MTRR: variants seen among roughly 807,000 people sequenced by gnomAD.
MTRR encodes methionine synthase reductase.
Under a neutral mutation model 79.2 loss-of-function variants are expected in MTRR, and 63 were observed. The observed-to-expected ratio is 0.80, with a 90% confidence interval of 0.65 to 0.98. The LOEUF is 0.98. Among genes scored for constraint, MTRR ranks in the 50% least tolerant of loss-of-function variants. The probability of loss-of-function intolerance (pLI) is 0.00; values close to 1 mark genes in which losing one functional copy is unlikely to be tolerated. For synonymous variants in MTRR, 355 were observed against 313.3 expected (o/e 1.13, Z -1.41); for missense variants, 895 against 839.6 (o/e 1.07, Z -0.82).
In MTRR at chr5:7,883,204, C is replaced by A; in HGVS notation, c.830C>A (p.Pro277Gln). The A allele has an allele frequency of 6.2e-7, 1 of 1,614,118 alleles. No homozygotes were observed. Among genetic ancestry groups the A allele is most frequent in the Non-Finnish European group, 8.5e-7 (1 of 1,179,972 alleles). Residue 277 changes from proline to glutamine, a missense_variant, in exon 6 of 15, where the codon CCA (proline) becomes CAA (glutamine). Coordinates refer to ENST00000440940, the MANE Select transcript of MTRR (RefSeq NM_002454.3). ...VTSADPVFQV[P>Q]ISKAVQLTTN... ...TCAGCAGATCCAGTTTTTCAAGTGC[C>A]AATTTCAAAGGCAGTTCAACTTACT...
Position 7,895,779 on chromosome 5 carries a change from G to C in MTRR, c.1603G>C (p.Asp535His). ...AACAAATTCTTTCCACTTACCAGATGACCCCTCAATCCCCATCATAATGGT... is the reference window on the plus strand; with the variant it reads ...AACAAATTCTTTCCACTTACCAGATCACCCCTCAATCCCCATCATAATGGT... The part of the protein sequence containing the change: ...RTTNSFHLPD[D>H]PSIPIIMVGP... The change falls in exon 12 of 15, where the codon GAC becomes CAC. Residue 535 changes from aspartate (D) to histidine (H), a missense_variant. Transcript: ENST00000440940. The C allele has an allele frequency of 6.2e-7, 1 of 1,613,950 alleles. No homozygotes were observed.
At chr5:7,887,061 A>G (rs1047682361) in intron 8 of MTRR, among the ~76,000 whole-genome samples, 1 of 152,196 alleles carries the variant, frequency 6.6e-6, no homozygotes, top group Non-Finnish European at 1.5e-5. Context: ...CCAGCTACAC[A>G]TTGCTGCTCC....
In MTRR at chr5:7,890,465, T is replaced by A. The variant is rs150093281; in HGVS notation, c.1328-907T>A. ...GTTCTCTTATCGCATACTAATTTAT[T>A]TCAATTCTTTTCGTAGATTTTTTGT... On this transcript the variant is annotated intron_variant, in intron 9 of 14. Coordinates refer to ENST00000440940, the MANE Select transcript of MTRR (RefSeq NM_002454.3). The A allele has an allele frequency of 1.7e-4, 162 of 949,006 alleles. 2 individuals are homozygous for A. The highest frequency in any genetic ancestry group is 9.9e-4 in the African/African-American group (56 of 56,482). 58.8% of individuals were successfully genotyped at this position (949,006 alleles called of 1,614,324 possible). A position where few individuals can be genotyped will look rare whatever the true frequency, so the allele number is the denominator to read the frequency against.
intron 8 of MTRR, 100 bp from the exon 9 acceptor site, chr5:7,888,995 T>C (rs1197563502): frequency 1.5e-5 from 20 of 1,377,624 alleles, no homozygotes; most frequent in Non-Finnish European, 1.8e-5. Context: ...TCATTTTTTC[T>C]TGGGTAATTG....
At chr5:7,883,631 G>A (rs1289359806) in intron 6 of MTRR, among the ~76,000 whole-genome samples, 4 of 152,156 alleles carry the variant, frequency 2.6e-5, no homozygotes, top group Admixed American at 2.6e-4. Flanking sequence ...TCAGAAGAAT[G>A]AGAGGTCTCT....
At chr5:7,860,795 A>C (rs7716373) in intron 1 of MTRR, among the ~76,000 whole-genome samples, 22,466 of 152,258 alleles carry the variant, frequency 0.15, 1,995 homozygotes, top group Non-Finnish European at 0.21. Context: ...TATTTCTTGT[A>C]GAAGCTTCTA....
Position 7,892,818 on chromosome 5 carries a change from G to C in MTRR, c.1462G>C (p.Val488Leu). ...CACAACAGAGGTTCTGCGGAAGGGA[G>C]TATGTACAGGCTGGCTGGCCTTGTT... ...TATTEVLRKGVCTGWLALLVA... is the reference protein window; with the variant it reads ...TATTEVLRKGLCTGWLALLVA... Residue 488 changes from valine (V) to leucine (L), a missense_variant, in exon 11 of 15, where the codon GTA (valine) becomes CTA (leucine). Coordinates refer to ENST00000440940, the MANE Select transcript of MTRR (RefSeq NM_002454.3). 6.2e-7 allele frequency: 1 copy of C among 1,614,230 alleles called. No individual in the cohort carries two copies. Among genetic ancestry groups the C allele is most frequent in the Non-Finnish European group, 8.5e-7 (1 of 1,180,052 alleles).
intron 11 of MTRR, among the ~76,000 whole-genome samples, chr5:7,893,860 T>C (rs748944555): frequency 7.9e-5 from 12 of 152,340 alleles, no homozygotes; most frequent in South Asian, 4.1e-4. Context: ...GTCTGCTGCC[T>C]GGAACAGAGA....
intron 6 of MTRR, among the ~76,000 whole-genome samples, chr5:7,884,788 A>G (rs539147977): frequency 6.6e-6 from 1 of 152,330 alleles, no homozygotes; most frequent in South Asian, 2.1e-4. Flanking sequence ...TTATTTTATG[A>G]AAGTCTTGAG....
rs1255720991 is a variant in MTRR, at chr5:7,900,277, C to T, written c.*219C>T. On this transcript the variant is annotated 3_prime_UTR_variant, in exon 15 of 15. Coordinates refer to ENST00000440940, the MANE Select transcript of MTRR (RefSeq NM_002454.3). ...GCCCTTCCTGTGCCTGTGACTCTCCCCAAATTGCCCTGTTGCCTTGAGCTC... is the reference window on the plus strand; with the variant it reads ...GCCCTTCCTGTGCCTGTGACTCTCCTCAAATTGCCCTGTTGCCTTGAGCTC... 3 of 552,216 alleles carry T rather than the reference C, an allele frequency of 5.4e-6. No individual in the cohort carries two copies. Among genetic ancestry groups the T allele is most frequent in the African/African-American group, 3.8e-5 (2 of 52,608 alleles). 34.2% of individuals were successfully genotyped at this position (552,216 alleles called of 1,614,324 possible). A position where few individuals can be genotyped will look rare whatever the true frequency, so the allele number is the denominator to read the frequency against.
intron 2 of MTRR, chr5:7,872,094 A>G (rs548701939): frequency 3.9e-5 from 10 of 258,804 alleles, no homozygotes; most frequent in African/African-American, 9.1e-5. Context: ...TATCCTTCCT[A>G]TTTCACATAG....
chr5:7,889,022 G>C, intron 8 of MTRR, 73 bp from the exon 9 acceptor site: 1 of 1,574,856 alleles, frequency 6.3e-7, no homozygotes. Flanking sequence ...TCCCTAGGCA[G>C]ACATTTAACT....
chr5:7,898,803 C>G (rs918146290), intron 14 of MTRR, among the ~76,000 whole-genome samples: 1 of 152,160 alleles, frequency 6.6e-6, no homozygotes, highest in Non-Finnish European at 1.5e-5. Context: ...TCTGACACTT[C>G]GCTTCATTCA....
intron 5 of MTRR, 52 bp from the exon 6 acceptor site, chr5:7,883,103 G>A (rs765319938): frequency 1.1e-5 from 18 of 1,613,268 alleles, no homozygotes; most frequent in Non-Finnish European, 1.4e-5. Context: ...CTAATTGAAA[G>A]AAGGGTATAA....
intron 1 of MTRR, among the ~76,000 whole-genome samples, chr5:7,853,622 A>G (rs1746140434): frequency 6.6e-6 from 1 of 152,188 alleles, no homozygotes; most frequent in South Asian, 2.1e-4. Flanking sequence ...GTCACTGCTG[A>G]AGGCAACTGG....
At chr5:7,897,601 G>A (rs1738753959) in intron 14 of MTRR, among the ~76,000 whole-genome samples, 1 of 152,162 alleles carries the variant, frequency 6.6e-6, no homozygotes, top group South Asian at 2.1e-4. Context: ...TTGTGCTGTT[G>A]TGAACTATTG....
At chr5:7,862,421 T>C (rs1322741157) in intron 2 of MTRR, among the ~76,000 whole-genome samples, 1 of 152,172 alleles carries the variant, frequency 6.6e-6, no homozygotes, top group Non-Finnish European at 1.5e-5. Context: ...TAAATTTAAA[T>C]AGCCACATGG....
rs116372049 is a variant in MTRR at position 7,896,118 on chromosome 5, C to T, written c.1676+266C>T. 2.0e-3 allele frequency among the ~76,000 whole-genome samples: 298 copies of T among 152,212 alleles called. 1 individual carries two copies. The highest frequency in any genetic ancestry group is 3.2e-3 in the Non-Finnish European group (220 of 68,024). The stretch of plus-strand genomic sequence containing the variant: ...GGTTTGTAGCATATGTGGTTGGGGA[C>T]AAATATTGGGCATACCTTCGTACTG... On this transcript the variant is annotated intron_variant, in intron 12 of 14. Transcript: ENST00000440940.
rs771599060 is a variant in MTRR at position 7,885,732 on chromosome 5, C to G, written c.935C>G (p.Ala312Gly). 1 of 1,613,154 alleles carries G rather than the reference C, an allele frequency of 6.2e-7. No individual in the cohort carries two copies. Among genetic ancestry groups the G allele is most frequent in the Non-Finnish European group, 8.5e-7 (1 of 1,179,932 alleles). Residue 312 changes from alanine (A) to glycine (G), a missense_variant, in exon 7 of 15, where the codon GCC (alanine) becomes GGC (glycine). Physicochemically the swap from Ala to Gly is moderately conservative, Grantham distance 60 (BLOSUM62 0). Transcript: ENST00000440940. The stretch of plus-strand genomic sequence containing the variant: ...GACTTTTCCTATCAGCCTGGAGATG[C>G]CTTCAGCGTGATCTGCCCTAACAGT... The part of the protein sequence containing the change: ...NTDFSYQPGD[A>G]FSVICPNSDS...
Sources: gnomAD v4.1 joint callset for allele counts (sites outside exome capture counted in the v4.1 genomes callset) on GRCh38, gnomAD v4.1.1 for gene constraint, MANE v1.5 for transcripts, NCBI Gene and HGNC (gene_info 2026-07-23, HGNC 2026-07-21) for gene names.